Variants in CELF2 observed in about 807,000 individuals in gnomAD.
CELF2 encodes CUGBP Elav-like family member 2.
Under a neutral mutation model 62.6 loss-of-function variants are expected in CELF2, and 8 were observed. The observed-to-expected ratio is 0.13, with a 90% CI of 0.07 to 0.23. The LOEUF is 0.23. Among genes scored for constraint, CELF2 ranks in the 10% least tolerant of loss-of-function variants. CELF2 has a pLI of 1.00. For missense variants in CELF2, 333 were observed against 671.0 expected (o/e 0.50, Z 5.56); for synonymous variants, 258 against 250.0 (o/e 1.03, Z -0.30).
At chr10:10,869,624 G>A (rs1465521409) in intron 1 of CELF2, among the ~76,000 whole-genome samples, 1 of 152,104 alleles carries the variant, frequency 6.6e-6, no homozygotes, top group Non-Finnish European at 1.5e-5. Flanking sequence ...TAGGATTTCT[G>A]CTCTGTCCCA....
chr10:11,321,888 A>G lies in CELF2; in HGVS notation c.1294+502A>G, dbSNP rs1195768399. Among the ~76,000 whole-genome samples, 1 of 152,212 alleles carries G rather than the reference A, an allele frequency of 6.6e-6. No homozygotes were observed. Among genetic ancestry groups the G allele is most frequent in the East Asian group, 1.9e-4 (1 of 5,202 alleles). On this transcript the variant is annotated intron_variant, in intron 11 of 12. Coordinates refer to ENST00000633077, the MANE Select transcript of CELF2 (RefSeq NM_001326342.2). The surrounding 1 kb of genome is among the most constrained non-coding windows in gnomAD (Gnocchi z 6.2). The stretch of plus-strand genomic sequence containing the variant: ...GCTACATCTTCTGAAGGGTTATGGC[A>G]TCTCTGCAGATCTAAGTCCAGGAAA...
Position 11,290,755 on chromosome 10 carries a change from C to A in CELF2, c.976+2203C>A, listed in dbSNP as rs529740557. Among the ~76,000 whole-genome samples the A allele has an allele frequency of 6.6e-6, 1 of 152,174 alleles. No homozygotes were observed. The highest frequency in any genetic ancestry group is 2.4e-5 in the African/African-American group (1 of 41,436). On this transcript the variant is annotated intron_variant, in intron 9 of 12. Transcript: ENST00000633077. The surrounding 1 kb of genome is among the most constrained non-coding windows in gnomAD (Gnocchi z 4.3). ...AGGCTTCTTGCCCTTCAGAACACGCCGCTCGCTTAGGTGTCACTGAGAGCG... is the reference window on the plus strand; with the variant it reads ...AGGCTTCTTGCCCTTCAGAACACGCAGCTCGCTTAGGTGTCACTGAGAGCG...
chr10:11,334,309 G>A lies in CELF2; in HGVS notation c.*5256G>A, dbSNP rs759247495. The A allele has an allele frequency of 2.6e-5, 4 of 152,616 alleles. No homozygotes were observed. Among genetic ancestry groups the A allele is most frequent in the Non-Finnish European group, 4.4e-5 (3 of 68,038 alleles). The allele number at this position is 152,616 out of a possible 1,614,324, so 9.5% of individuals were successfully genotyped here. ...TTATTTTTGTAATGTATGTTATTGT[G>A]TGATGCAGTTTTTTGCTTCTGTCTC... On this transcript the variant is annotated 3_prime_UTR_variant, in exon 13 of 13. Coordinates refer to ENST00000633077, the MANE Select transcript of CELF2 (RefSeq NM_001326342.2).
chr10:10,545,675 C>A, the CELF2 span, among the ~76,000 whole-genome samples: 3 of 152,108 alleles, frequency 2.0e-5, no homozygotes, highest in Admixed American at 2.0e-4. Context: ...TGTACACACA[C>A]GCACACTAAA....
Position 10,809,798 on chromosome 10 carries a change from A to G in CELF2, c.53+10981A>G, listed in dbSNP as rs190298155. Among the ~76,000 whole-genome samples the G allele has an allele frequency of 7.8e-4, 119 of 152,354 alleles. 1 individual carries two copies. The highest frequency in any genetic ancestry group is 2.7e-3 in the African/African-American group (112 of 41,592). On this transcript the variant is annotated intron_variant, in intron 1 of 13. Coordinates refer to the CELF2 transcript ENST00000636488. ...ATAATGATTTAATTTGCTTCAAATC[A>G]AATTATCATTTTTATAATCTTAAAT... is the stretch of plus-strand genomic sequence containing the variant.
the CELF2 span, among the ~76,000 whole-genome samples, chr10:10,529,589 CAGG>C: frequency 2.0e-5 from 3 of 147,332 alleles, no homozygotes; most frequent in East Asian, 4.0e-4. Context: ...GAGGCTGAGG[CAGG>C]AGAATTACTT....
chr10:10,584,365 G>A, the CELF2 span, among the ~76,000 whole-genome samples: 2 of 152,312 alleles, frequency 1.3e-5, no homozygotes, highest in African/African-American at 4.8e-5. Context: ...GTACAGAACT[G>A]CTGGATTGGT....
chr10:11,250,775 C>G (rs1589841187), intron 4 of CELF2, among the ~76,000 whole-genome samples: 1 of 152,184 alleles, frequency 6.6e-6, no homozygotes, highest in South Asian at 2.1e-4. Flanking sequence ...GTTGCCTTCC[C>G]CTGAGCCCAA....
the CELF2 span, among the ~76,000 whole-genome samples, chr10:10,665,572 G>A: frequency 1.3e-5 from 2 of 152,132 alleles, no homozygotes; most frequent in African/African-American, 2.4e-5. Flanking sequence ...GTATTAAAAT[G>A]TTGCTATTTC....
At position 10,910,519 on chromosome 10, in the gene CELF2, A is replaced by G. The variant is rs781643630; in HGVS notation, c.54-9445A>G. Among the ~76,000 whole-genome samples, 4 of 152,028 alleles carry G rather than the reference A, an allele frequency of 2.6e-5. No individual in the cohort carries two copies. In the East Asian group the frequency reaches 7.7e-4, roughly 29 times the overall value. On this transcript the variant is annotated intron_variant, in intron 1 of 13. Coordinates refer to the CELF2 transcript ENST00000636488. ...AGACCAGCCTGGCCAACATGGTGAA[A>G]CCCTGTCTATACTAAAAAATACAAA...
At chr10:11,289,447 T>C (rs939185626) in intron 9 of CELF2, among the ~76,000 whole-genome samples, 1 of 152,222 alleles carries the variant, frequency 6.6e-6, no homozygotes, top group African/African-American at 2.4e-5. Flanking sequence ...CTGGCTGTTT[T>C]AGGGCTTTTG....
the CELF2 span, among the ~76,000 whole-genome samples, chr10:10,559,421 G>T: frequency 7.2e-5 from 11 of 152,288 alleles, no homozygotes; most frequent in African/African-American, 2.6e-4. Context: ...ATGTTACAAG[G>T]GTTCTGGATA....
intron 2 of CELF2, among the ~76,000 whole-genome samples, chr10:10,923,285 G>A (rs1312882805): frequency 6.6e-6 from 1 of 152,188 alleles, no homozygotes; most frequent in Admixed American, 6.5e-5. Context: ...ATGTGGCTGG[G>A]AAGGAAGACG....
chr10:10,583,451 T>G, the CELF2 span, among the ~76,000 whole-genome samples: 1 of 152,172 alleles, frequency 6.6e-6, no homozygotes, highest in Non-Finnish European at 1.5e-5. Flanking sequence ...ACCAAGGAAG[T>G]GGTCTCTCAA....
intron 1 of CELF2, among the ~76,000 whole-genome samples, chr10:11,045,982 G>A (rs916308650): frequency 1.3e-5 from 2 of 152,160 alleles, no homozygotes; most frequent in Non-Finnish European, 2.9e-5. Flanking sequence ...GCCTCTAGGG[G>A]TAGAGGTGAA....
chr10:10,517,470 C>CATAACAA, the CELF2 span, among the ~76,000 whole-genome samples: 5 of 152,326 alleles, frequency 3.3e-5, no homozygotes, highest in Admixed American at 1.3e-4. Context: ...CAGCTCCATT[C>CATAACAA]ATAACAAATA....
At chr10:10,949,827 A>T (rs1438877252) in intron 2 of CELF2, among the ~76,000 whole-genome samples, 1 of 43,330 alleles carries the variant, frequency 2.3e-5, no homozygotes, top group Non-Finnish European at 3.4e-5. Flanking sequence ...CACACACACC[A>T]AAAAAAAAAA....
chr10:11,249,774 C>A (rs146661254), intron 4 of CELF2, among the ~76,000 whole-genome samples: 33 of 152,312 alleles, frequency 2.2e-4, no homozygotes, highest in African/African-American at 7.7e-4. Flanking sequence ...TGATGAGGTC[C>A]ATAAACAATT....
At chr10:11,102,202 C>T (rs1013761447) in intron 1 of CELF2, 1 of 152,194 alleles carries the variant, frequency 6.6e-6, no homozygotes, top group Admixed American at 6.5e-5. Context: ...AATAAATTCA[C>T]AGAAGTAGCA....
Sources: allele counts gnomAD v4.1 joint callset (sites outside exome capture counted in the v4.1 genomes callset), GRCh38; gene constraint gnomAD v4.1.1; non-coding constraint Gnocchi (gnomAD v3.1); transcripts MANE v1.5; gene names NCBI Gene and HGNC (gene_info 2026-07-23, HGNC 2026-07-21).